MYBPC2: variants seen among roughly 807,000 people sequenced by gnomAD.
MYBPC2 encodes myosin-binding protein C, fast-type.
In MYBPC2, 122 loss-of-function variants were observed where a neutral mutation model predicts 137.0. The observed-to-expected ratio is 0.89, with a 90% CI of 0.77 to 1.03. The LOEUF (loss-of-function observed/expected upper bound fraction) is 1.03, where lower values mean the gene tolerates loss of function less well. Ranked by LOEUF, MYBPC2 falls within the 50% of genes least tolerant of loss-of-function variation. The pLI is 0.00. For missense variants in MYBPC2, 1,500 were observed against 1,534.4 expected (o/e 0.98, Z 0.37); for synonymous variants, 626 against 612.3 (o/e 1.02, Z -0.33).
Position 50,461,680 on chromosome 19 carries a change from A to G in MYBPC2, c.3070A>G (p.Thr1024Ala), listed in dbSNP as rs1272922464. 3.1e-6 allele frequency: 5 copies of G among 1,612,404 alleles called. No individual in the cohort carries two copies. The East Asian group carries it at 1.1e-4, about 36-fold the overall frequency. The change falls in exon 25 of 28, where the codon ACG becomes GCG. Residue 1024 changes from threonine (T) to alanine (A), a missense_variant. Thr to Ala is a moderately conservative substitution (Grantham distance 58). Transcript: ENST00000357701. The stretch of plus-strand genomic sequence containing the variant: ...TGACTCACCTGGTGTCTCCAAGAAC[A>G]CGGCCCGCATCCTCAAGACAGGTAC... ...LSDSPGVSKN[T>A]ARILKTGITF...
At chr19:50,446,848 A>G (rs1468215457) in intron 12 of MYBPC2, among the ~76,000 whole-genome samples, 3 of 149,892 alleles carry the variant, frequency 2.0e-5, no homozygotes, top group African/African-American at 4.9e-5. Flanking sequence ...TTAGCCGAGC[A>G]TGGTGGCACA....
intron 15 of MYBPC2, among the ~76,000 whole-genome samples, chr19:50,451,603 A>C (rs2039858554): frequency 8.0e-6 from 1 of 124,886 alleles, no homozygotes; most frequent in African/African-American, 3.1e-5. Context: ...GGGGGCCTAG[A>C]CTGTAGGGTG....
At chr19:50,438,727 A>G (rs2039725743) in intron 7 of MYBPC2, among the ~76,000 whole-genome samples, 1 of 152,050 alleles carries the variant, frequency 6.6e-6, no homozygotes, top group Admixed American at 6.6e-5. Flanking sequence ...TTAGCAGGGC[A>G]TGGTGGCATG....
chr19:50,441,040 C>T lies in MYBPC2; in HGVS notation c.733C>T (p.Leu245=). 1 of 1,605,184 alleles carries T rather than the reference C, an allele frequency of 6.2e-7. No homozygotes were observed. Among genetic ancestry groups the T allele is most frequent in the Non-Finnish European group, 8.5e-7 (1 of 1,176,030 alleles). ...CGACCTCCGGGGCATGCTGAAGCGG[C>T]TGAAAAAGGCTAAGGTCGAGGTCAA... is the stretch of plus-strand genomic sequence containing the variant. ...ITDLRGMLKR[L]KKAKVEVKKS... Residue 245 remains leucine, a synonymous_variant, in exon 8 of 28, where the codon CTG becomes TTG. Transcript: ENST00000357701.
intron 23 of MYBPC2, 145 bp from the exon 24 acceptor site, chr19:50,459,895 G>A (rs2039955369): frequency 8.4e-7 from 1 of 1,193,458 alleles, no homozygotes; most frequent in Non-Finnish European, 1.2e-6. Context: ...TGGAGAGACT[G>A]GGATGGGGGA....
At chr19:50,453,384 A>T (rs992599951) in intron 16 of MYBPC2, among the ~76,000 whole-genome samples, 1 of 152,172 alleles carries the variant, frequency 6.6e-6, no homozygotes, top group Non-Finnish European at 1.5e-5. Context: ...CTTCCAGCTA[A>T]GGGTATCCAG....
chr19:50,458,573 G>T lies in MYBPC2; in HGVS notation c.2339-14G>T, dbSNP rs758643278. On this transcript the variant is annotated splice_polypyrimidine_tract_variant and intron_variant, in intron 20 of 27. Coordinates refer to ENST00000357701, the MANE Select transcript of MYBPC2 (RefSeq NM_004533.4). ...GGAGGGCACGAGATCCGCCAGCAGG[G>T]CCTCTCTCTCCAGCCGAGGAATGGG... 2.5e-6 allele frequency: 4 copies of T among 1,609,570 alleles called. No individual in the cohort carries two copies. The highest frequency in any genetic ancestry group is 1.6e-4 in the Middle Eastern group (1 of 6,080).
chr19:50,452,422 A>C (rs972669887), intron 16 of MYBPC2, among the ~76,000 whole-genome samples: 16 of 132,102 alleles, frequency 1.2e-4, no homozygotes, highest in African/African-American at 1.9e-4. Flanking sequence ...ATCTATCTAT[A>C]TAATCTATCT....
chr19:50,458,837 C>A (rs968990676), intron 21 of MYBPC2, 81 bp from the exon 22 acceptor site: 2 of 1,594,988 alleles, frequency 1.3e-6, no homozygotes, highest in Non-Finnish European at 8.5e-7. Context: ...ACAGGACCTC[C>A]CCAGAGAGCC....
chr19:50,440,328 AAAT>A (rs1200530485), intron 7 of MYBPC2, among the ~76,000 whole-genome samples: 87 of 119,678 alleles, frequency 7.3e-4, no homozygotes, highest in African/African-American at 2.9e-3. Context: ...GAAATAAAAT[AAAT>A]AAATAAATAA....
intron 9 of MYBPC2, among the ~76,000 whole-genome samples, chr19:50,443,052 G>A (rs78467937): frequency 0.014 from 2,062 of 152,162 alleles, 48 homozygotes; most frequent in African/African-American, 0.046. Context: ...AGGATTACAG[G>A]TGTGACTGGC....
intron 20 of MYBPC2, among the ~76,000 whole-genome samples, chr19:50,456,384 CCA>C (rs2039914180): frequency 6.8e-6 from 1 of 147,884 alleles, no homozygotes; most frequent in Non-Finnish European, 1.5e-5. Context: ...ATCTATCCAT[CCA>C]TCCATCCATC....
At chr19:50,446,630 G>A (rs1232241871) in intron 12 of MYBPC2, among the ~76,000 whole-genome samples, 17 of 151,218 alleles carry the variant, frequency 1.1e-4, no homozygotes, top group Non-Finnish European at 7.4e-5. Flanking sequence ...GACCAGCCTG[G>A]CCAACATGGC....
intron 13 of MYBPC2, among the ~76,000 whole-genome samples, chr19:50,449,370 G>A (rs2039835889): frequency 6.6e-6 from 1 of 152,114 alleles, no homozygotes; most frequent in Non-Finnish European, 1.5e-5. Flanking sequence ...GCTCCCTATG[G>A]CACCTCCTCC....
chr19:50,443,767 C>T lies in MYBPC2; in HGVS notation c.1084C>T (p.Arg362Trp), dbSNP rs201433983. The T allele has an allele frequency of 1.3e-5, 21 of 1,613,790 alleles. No individual in the cohort carries two copies. Among genetic ancestry groups the T allele is most frequent in the Admixed American group, 5.0e-5 (3 of 59,986 alleles). Residue 362 changes from arginine to tryptophan, a missense_variant, in exon 11 of 28, where the codon CGG (arginine) becomes TGG (tryptophan). Arg to Trp is a moderately radical substitution (Grantham distance 101, BLOSUM62 -3). Transcript: ENST00000357701. ...GGACCAGCAGGTGTTTGTGGGTGAC[C>T]GGGTGGAAATGGCAGTGGAGGTGTC... is the stretch of plus-strand genomic sequence containing the variant. ...LEDQQVFVGD[R>W]VEMAVEVSEE...
At chr19:50,442,894 C>T (rs377530635) in intron 9 of MYBPC2, among the ~76,000 whole-genome samples, 1 of 151,790 alleles carries the variant, frequency 6.6e-6, no homozygotes, top group East Asian at 2.0e-4. Flanking sequence ...TCTCCTGCCT[C>T]AGCCTCCCAA....
intron 13 of MYBPC2, 33 bp from the exon 14 acceptor site, chr19:50,450,796 G>A (rs1170309556): frequency 2.6e-6 from 4 of 1,523,812 alleles, no homozygotes; most frequent in African/African-American, 1.4e-5. Context: ...TTGCAATCTG[G>A]TTCGAGCCCT....
At chr19:50,461,005 ATT>A (rs112521100) in intron 24 of MYBPC2, among the ~76,000 whole-genome samples, 9 of 127,910 alleles carry the variant, frequency 7.0e-5, no homozygotes, top group East Asian at 6.8e-4. Context: ...TTTCTTTTAA[ATT>A]TTTTTTTTTT....
intron 23 of MYBPC2, among the ~76,000 whole-genome samples, chr19:50,459,653 T>C (rs1203668691): frequency 4.8e-5 from 1 of 20,806 alleles, no homozygotes; most frequent in Non-Finnish European, 8.8e-5. Context: ...AGGTGAGAGA[T>C]GAGGGATGGG....
Sources: gnomAD v4.1 joint callset for allele counts (sites outside exome capture counted in the v4.1 genomes callset) on GRCh38, gnomAD v4.1.1 for gene constraint, MANE v1.5 for transcripts, NCBI Gene and HGNC (gene_info 2026-07-23, HGNC 2026-07-21) for gene names.